Variants in DST observed in about 807,000 individuals in gnomAD.
The protein encoded by DST is dystonin.
A neutral mutation model predicts 875.2 loss-of-function variants in DST; 253 were observed. The ratio of observed to expected loss-of-function variants is 0.29; its 90% CI spans 0.26 to 0.32. The LOEUF is 0.32. DST is among the 10% of genes least tolerant of loss of function. The pLI, the probability that DST is intolerant of heterozygous loss-of-function variation, is 1.00. For synonymous variants in DST, 3,124 were observed against 3,197.1 expected, an observed-to-expected ratio of 0.98 and a Z score of 0.77; for missense variants, 8,287 against 9,111.6, an observed-to-expected ratio of 0.91 and a Z score of 3.68.
chr6:56,866,491 C>T (rs183750583), intron 3 of DST, among the ~76,000 whole-genome samples: 29 of 152,358 alleles, frequency 1.9e-4, no homozygotes, highest in African/African-American at 7.0e-4. Flanking sequence ...TGGCTTTCCA[C>T]TTCACTCAGG....
At chr6:56,641,016 T>C (rs1287622737) in intron 17 of DST, among the ~76,000 whole-genome samples, 1 of 152,166 alleles carries the variant, frequency 6.6e-6, no homozygotes. Context: ...TTTACATTTA[T>C]GTATATATTT....
chr6:56,559,176 A>T (rs34713673), intron 58 of DST, among the ~76,000 whole-genome samples: 11,881 of 152,178 alleles, frequency 0.078, 608 homozygotes, highest in Middle Eastern at 0.15. Context: ...CTGGCAACAA[A>T]ATAATGCCAT....
chr6:56,935,139 A>G (rs796532511), intron 2 of DST, among the ~76,000 whole-genome samples: 16 of 152,332 alleles, frequency 1.1e-4, no homozygotes, highest in African/African-American at 3.8e-4. Context: ...TGAAGTTTCT[A>G]GAGAAATTGT....
Position 56,606,166 on chromosome 6 carries a change from T to C in DST, c.8462A>G (p.Asp2821Gly), listed in dbSNP as rs759318222. The stretch of plus-strand genomic sequence containing the variant: ...TTGGCACCTGGGCTTTCCATTCTCA[T>C]CTCTTATACCTCCTCCTTCTTCATC... ...GIDEEGGGIRDENGKPRCQNV... is the reference protein window; with the variant it reads ...GIDEEGGGIRGENGKPRCQNV... The change falls in exon 40 of 104, where the codon GAT becomes GGT. Residue 2821 changes from aspartate (D) to glycine (G), a missense_variant. Physicochemically the swap from Asp to Gly is moderately conservative, Grantham distance 94. Around this residue, in one of 10 missense-constraint regions of DST, gnomAD observed 3,138 missense variants for 3,116.6 expected, o/e 1.01. Coordinates refer to ENST00000680361, the MANE Select transcript of DST (RefSeq NM_001374736.1). The C allele has an allele frequency of 8.4e-5, 135 of 1,602,252 alleles. No homozygotes were observed. Among genetic ancestry groups the C allele is most frequent in the Non-Finnish European group, 1.1e-4 (129 of 1,172,992 alleles).
Position 56,597,755 on chromosome 6 carries a change from T to C in DST, c.12180A>G (p.Gln4060=), listed in dbSNP as rs2098405654. The C allele has an allele frequency of 3.1e-6, 5 of 1,613,434 alleles. No individual in the cohort carries two copies. Among genetic ancestry groups the C allele is most frequent in the African/African-American group, 2.7e-5 (2 of 74,908 alleles). Residue 4060 remains glutamine, a synonymous_variant, in exon 47 of 104, where the codon CAA becomes CAG. Coordinates refer to ENST00000680361, the MANE Select transcript of DST (RefSeq NM_001374736.1). ...VGTTQENLNQ[Q]YQKVKAQHEK... is the part of the protein sequence containing the mutation. ...AACAACACACCTTAACTTTCTGATA[T>C]TGCTGATTCAGATTCTCCTGAGTGG...
intron 95 of DST, 137 bp downstream of exon 95, chr6:56,470,969 T>G (rs2094860455): frequency 7.8e-6 from 7 of 894,122 alleles, no homozygotes; most frequent in Non-Finnish European, 1.2e-5. Context: ...AAAACATTTT[T>G]TTAAGGGTCG....
chr6:56,529,087 T>C (rs2096852250), intron 66 of DST, among the ~76,000 whole-genome samples, 162 bp from the exon 67 acceptor site: 1 of 152,246 alleles, frequency 6.6e-6, no homozygotes, highest in Non-Finnish European at 1.5e-5. Flanking sequence ...AGACCTCTTC[T>C]TTTCACCTCT....
chr6:56,464,488 A>G, intron 100 of DST, 197 bp downstream of exon 100: 1 of 595,644 alleles, frequency 1.7e-6, no homozygotes, highest in South Asian at 2.1e-5. Flanking sequence ...GATCACTTAT[A>G]ACACCTGCAT....
chr6:56,577,766 T>G (rs1182024302), intron 50 of DST, among the ~76,000 whole-genome samples: 1 of 152,208 alleles, frequency 6.6e-6, no homozygotes, highest in East Asian at 1.9e-4. Flanking sequence ...CATTAAATAT[T>G]GTGAAAAGCA....
At chr6:56,814,761 T>C (rs1314991153) in intron 4 of DST, among the ~76,000 whole-genome samples, 5 of 152,196 alleles carry the variant, frequency 3.3e-5, no homozygotes, top group African/African-American at 1.2e-4. Context: ...GTATACTTCG[T>C]CAAAAATAAC....
intron 24 of DST, among the ~76,000 whole-genome samples, chr6:56,635,222 G>T (rs2098813476): frequency 6.6e-6 from 1 of 151,972 alleles, no homozygotes; most frequent in Admixed American, 6.6e-5. Context: ...TCCCTCTCTA[G>T]CATGTAAGCA....
At chr6:56,670,068 T>C (rs1357509658) in intron 10 of DST, among the ~76,000 whole-genome samples, 1 of 151,980 alleles carries the variant, frequency 6.6e-6, no homozygotes, top group African/African-American at 2.4e-5. Flanking sequence ...AATCAAAGTC[T>C]GCTATCTGCG....
At chr6:56,638,338 T>C (rs922514235) in intron 22 of DST, among the ~76,000 whole-genome samples, 2 of 152,302 alleles carry the variant, frequency 1.3e-5, no homozygotes, top group African/African-American at 4.8e-5. Context: ...ATATGTGACA[T>C]TTCATGTAGA....
intron 2 of DST, among the ~76,000 whole-genome samples, chr6:56,938,108 C>CTCTCTCTCTATATATATA (rs1383243392): frequency 1.2e-4 from 15 of 120,748 alleles, no homozygotes; most frequent in African/African-American, 5.2e-4. Flanking sequence ...CTCTCTCTCT[C>CTCTCTCTCTATATATATA]TATATATATA....
At chr6:56,949,008 T>C (rs6927558) in intron 2 of DST, among the ~76,000 whole-genome samples, 23,187 of 152,178 alleles carry the variant, frequency 0.15, 1,872 homozygotes, top group Middle Eastern at 0.21. Flanking sequence ...ACAGTTAGTT[T>C]GTGGCAGAGC....
intron 4 of DST, among the ~76,000 whole-genome samples, chr6:56,780,904 T>A (rs1200728250): frequency 3.9e-5 from 6 of 152,246 alleles, no homozygotes; most frequent in African/African-American, 1.4e-4. Flanking sequence ...AATTTTTGTA[T>A]AAGGTATAAG....
At chr6:56,599,656 T>C (rs1204342753) in intron 45 of DST, among the ~76,000 whole-genome samples, 1 of 151,988 alleles carries the variant, frequency 6.6e-6, no homozygotes, top group African/African-American at 2.4e-5. Flanking sequence ...TGCCCTTTCC[T>C]TCAATAAAAA....
chr6:56,618,705 G>A, intron 36 of DST: 1 of 1,613,870 alleles, frequency 6.2e-7, no homozygotes. Context: ...ACAAAGTCAA[G>A]CCTAATGCCT....
chr6:56,497,829 A>C, intron 81 of DST, 27 bp downstream of exon 81: 1 of 1,557,320 alleles, frequency 6.4e-7, no homozygotes, highest in Non-Finnish European at 8.7e-7. Context: ...TGCTATAAAA[A>C]CTTTCAGAAT....
Sources: allele counts gnomAD v4.1 joint callset (sites outside exome capture counted in the v4.1 genomes callset), GRCh38; gene constraint gnomAD v4.1.1; regional missense constraint gnomAD v4.1.1; transcripts MANE v1.5; gene names NCBI Gene and HGNC (gene_info 2026-07-23, HGNC 2026-07-21).